Variants in EYA1 observed in about 807,000 individuals in gnomAD.
EYA1 encodes EYA transcriptional coactivator and phosphatase 1.
A neutral mutation model predicts 82.0 loss-of-function variants in EYA1; 16 were observed. That is an observed-to-expected ratio of 0.20 (90% CI 0.13 to 0.30). EYA1 has a LOEUF of 0.30. Among genes scored for constraint, EYA1 ranks in the 10% least tolerant of loss-of-function variants. The pLI, the probability that EYA1 is intolerant of heterozygous loss-of-function variation, is 1.00. For synonymous variants in EYA1, 261 were observed against 264.4 expected (o/e 0.99, Z 0.12); for missense variants, 633 against 730.7 (o/e 0.87, Z 1.54).
intron 2 of EYA1, among the ~76,000 whole-genome samples, chr8:71,371,647 C>A (rs1439936170): frequency 1.3e-5 from 2 of 151,894 alleles, no homozygotes; most frequent in African/African-American, 2.4e-5. Context: ...ATGTAGAAAC[C>A]AAATGAAAAG....
intron 2 of EYA1, among the ~76,000 whole-genome samples, chr8:71,467,489 T>C (rs1808867493): frequency 6.6e-6 from 1 of 152,196 alleles, no homozygotes; most frequent in South Asian, 2.1e-4. Context: ...GCTTAACATG[T>C]TAAACAAGTT....
chr8:71,545,523 A>G (rs954913642), intron 1 of EYA1, among the ~76,000 whole-genome samples: 1 of 147,034 alleles, frequency 6.8e-6, no homozygotes, highest in East Asian at 2.0e-4. Context: ...AAATAACTCC[A>G]CTATTAGATT....
At chr8:71,533,555 C>T (rs1219445372) in intron 2 of EYA1, among the ~76,000 whole-genome samples, 1 of 152,112 alleles carries the variant, frequency 6.6e-6, no homozygotes, top group Admixed American at 6.5e-5. Flanking sequence ...GGTGTGTCGC[C>T]CAGGCTAGAG....
In EYA1 at chr8:71,330,959, A is replaced by G. The variant is rs575995410; in HGVS notation, c.202+3138T>C. Among the ~76,000 whole-genome samples the G allele has an allele frequency of 2.0e-5, 3 of 151,982 alleles. No homozygotes were observed. In the South Asian group the frequency reaches 6.3e-4, roughly 32 times the overall value. Reference sequence around the variant, plus strand: ...CTTATAAATATTTCTGGCCGGGTGCAGTGGCTCACACCTGTAATCCCAGCA... The same window carrying G: ...CTTATAAATATTTCTGGCCGGGTGCGGTGGCTCACACCTGTAATCCCAGCA... On this transcript the variant is annotated intron_variant, in intron 4 of 17. Coordinates refer to ENST00000340726, the MANE Select transcript of EYA1 (RefSeq NM_000503.6).
intron 1 of EYA1, chr8:71,356,793 A>G (rs1586529969): frequency 9.1e-7 from 1 of 1,098,028 alleles, no homozygotes; most frequent in Non-Finnish European, 1.1e-6. Context: ...AAATGGGATT[A>G]CCCCTCCCCC....
chr8:71,299,355 T>C (rs760838814), intron 8 of EYA1, 122 bp from the exon 9 acceptor site: 21 of 929,836 alleles, frequency 2.3e-5, no homozygotes, highest in Non-Finnish European at 3.5e-5. Context: ...CACGGGGGCA[T>C]ACAAGTACAC....
intron 2 of EYA1, among the ~76,000 whole-genome samples, chr8:71,393,366 T>C (rs1829389620): frequency 6.6e-6 from 1 of 152,182 alleles, no homozygotes; most frequent in Admixed American, 6.5e-5. Context: ...TACATATGTA[T>C]ACATGTGTCA....
chr8:71,364,906 G>C (rs1220501900), upstream of EYA1, among the ~76,000 whole-genome samples: 1 of 130,858 alleles, frequency 7.6e-6, no homozygotes, highest in African/African-American at 2.9e-5. Context: ...TAGTGTTTTA[G>C]GTTAAGGGCA....
intron 9 of EYA1, among the ~76,000 whole-genome samples, chr8:71,278,553 T>C (rs1481809639): frequency 6.6e-6 from 1 of 152,258 alleles, no homozygotes; most frequent in East Asian, 1.9e-4. Flanking sequence ...TTAAAAATTA[T>C]ATTCCCTCTG....
chr8:71,341,964 A>C (rs28558101), intron 3 of EYA1, among the ~76,000 whole-genome samples: 78 of 152,330 alleles, frequency 5.1e-4, no homozygotes, highest in African/African-American at 1.8e-3. Flanking sequence ...TTTTTGTAAA[A>C]GAAATAATAT....
chr8:71,535,780 A>G (rs1474574335), exon 2 of EYA1: 1 of 1,516,004 alleles, frequency 6.6e-7, no homozygotes, highest in East Asian at 2.5e-5. Context: ...CTTCCATTGA[A>G]GACTTCTTCT....
intron 9 of EYA1, among the ~76,000 whole-genome samples, chr8:71,289,579 G>A (rs971610769): frequency 6.6e-6 from 1 of 152,188 alleles, no homozygotes; most frequent in Non-Finnish European, 1.5e-5. Flanking sequence ...GCAGCAGCAT[G>A]CTTTACTGAT....
intron 12 of EYA1, among the ~76,000 whole-genome samples, chr8:71,237,532 A>T (rs957035591): frequency 1.3e-5 from 2 of 152,214 alleles, no homozygotes; most frequent in Non-Finnish European, 2.9e-5. Flanking sequence ...CTCTGACTAC[A>T]GAAGAAATAA....
chr8:71,480,820 T>C (rs1326994212), intron 2 of EYA1, among the ~76,000 whole-genome samples: 2 of 152,196 alleles, frequency 1.3e-5, no homozygotes, highest in Non-Finnish European at 2.9e-5. Flanking sequence ...TATCAATTAT[T>C]TATATCTATG....
chr8:71,306,933 G>A (rs76118613), intron 7 of EYA1, among the ~76,000 whole-genome samples: 4,210 of 152,262 alleles, frequency 0.028, 190 homozygotes, highest in African/African-American at 0.096. Context: ...GATAAACCAT[G>A]TCTGACTCAT....
At chr8:71,413,512 C>T (rs926141527) in intron 2 of EYA1, among the ~76,000 whole-genome samples, 1 of 152,212 alleles carries the variant, frequency 6.6e-6, no homozygotes, top group Non-Finnish European at 1.5e-5. Flanking sequence ...AACACCTACA[C>T]ACAAAATTTG....
At chr8:71,454,460 T>A (rs1052675152) in intron 2 of EYA1, among the ~76,000 whole-genome samples, 28 of 151,896 alleles carry the variant, frequency 1.8e-4, no homozygotes, top group African/African-American at 6.8e-4. Flanking sequence ...AATCAACAGG[T>A]TATACATTCT....
chr8:71,361,927 G>C lies in EYA1; in HGVS notation c.-335C>G, dbSNP rs565060742. ...AACCCGCCACAGTGGACGGCAACAGGAAGGCTTAAAGTCGGAAGTGGCACT... is the reference window on the plus strand; with the variant it reads ...AACCCGCCACAGTGGACGGCAACAGCAAGGCTTAAAGTCGGAAGTGGCACT... On this transcript the variant is annotated 5_prime_UTR_variant, in exon 1 of 18. Coordinates refer to ENST00000340726, the MANE Select transcript of EYA1 (RefSeq NM_000503.6). The C allele has an allele frequency of 5.7e-5, 56 of 985,466 alleles. 1 individual carries two copies. The Middle Eastern group carries it at 2.6e-3, about 46-fold the overall frequency. The allele number at this position is 985,466 out of a possible 1,614,324, so 61.0% of individuals were successfully genotyped here.
chr8:71,394,917 T>C (rs1396540269), intron 2 of EYA1, among the ~76,000 whole-genome samples: 3 of 152,152 alleles, frequency 2.0e-5, no homozygotes, highest in Non-Finnish European at 4.4e-5. Context: ...ATTCTTCCTA[T>C]CCATGAGCGT....
Sources: gnomAD v4.1 joint callset for allele counts (sites outside exome capture counted in the v4.1 genomes callset) on GRCh38, gnomAD v4.1.1 for gene constraint, MANE v1.5 for transcripts, NCBI Gene and HGNC (gene_info 2026-07-23, HGNC 2026-07-21) for gene names.